NAV3: variants seen among roughly 807,000 people sequenced by gnomAD.
The protein encoded by NAV3 is pore membrane and/or filament interacting like protein 1.
In NAV3, 87 loss-of-function variants were observed where a neutral mutation model predicts 244.7. That is an observed-to-expected ratio of 0.36 (90% CI 0.30 to 0.42). The LOEUF (loss-of-function observed/expected upper bound fraction) is 0.42. Among genes scored for constraint, NAV3 ranks in the 20% least tolerant of loss-of-function variants. The pLI is 1.00. For synonymous variants in NAV3, 1,126 were observed against 1,042.2 expected (o/e 1.08, Z -1.55); for missense variants, 2,663 against 2,893.3 (o/e 0.92, Z 1.83).
chr12:77,644,266 A>C (rs1872532428), intron 2 of NAV3, among the ~76,000 whole-genome samples: 1 of 152,070 alleles, frequency 6.6e-6, no homozygotes, highest in Admixed American at 6.6e-5. Flanking sequence ...AGATGTTAGA[A>C]GATTTCTTTA....
chr12:78,190,141 A>G lies in NAV3; in HGVS notation c.6213A>G (p.Glu2071=). 2 of 1,613,112 alleles carry G rather than the reference A, an allele frequency of 1.2e-6. No homozygotes were observed. Among genetic ancestry groups the G allele is most frequent in the Non-Finnish European group, 1.7e-6 (2 of 1,179,516 alleles). ...CCTATTTGGCAAACAAACTTGCTGAATATGTAATAACCAAATCTGGAAGGA... is the reference window on the plus strand; with the variant it reads ...CCTATTTGGCAAACAAACTTGCTGAGTATGTAATAACCAAATCTGGAAGGA... ...GKTYLANKLA[E]YVITKSGRKK... is the part of the protein sequence containing the mutation. Residue 2071 remains glutamate (E), a synonymous_variant, in exon 34 of 40, where the codon GAA becomes GAG. Transcript: ENST00000397909.
chr12:78,167,765 A>C (rs1957839454), intron 23 of NAV3, among the ~76,000 whole-genome samples: 1 of 151,620 alleles, frequency 6.6e-6, no homozygotes, highest in South Asian at 2.1e-4. Context: ...TAAGAGGCTG[A>C]CAAAGATCTG....
intron 5 of NAV3, among the ~76,000 whole-genome samples, chr12:77,987,012 G>T (rs1290326435): frequency 6.6e-6 from 1 of 152,142 alleles, no homozygotes; most frequent in Non-Finnish European, 1.5e-5. Context: ...GTAAGACTAT[G>T]AGAATAGTTG....
chr12:77,843,373 A>G (rs1490980147), intron 1 of NAV3, among the ~76,000 whole-genome samples: 1 of 151,226 alleles, frequency 6.6e-6, no homozygotes, highest in Non-Finnish European at 1.5e-5. Flanking sequence ...ACCCCAGGTA[A>G]CTTTCCTTGT....
At chr12:77,765,910 G>A (rs1042132070) in intron 2 of NAV3, among the ~76,000 whole-genome samples, 1 of 152,020 alleles carries the variant, frequency 6.6e-6, no homozygotes, top group African/African-American at 2.4e-5. Context: ...GGAGGGAGTC[G>A]GTGGTGAAAT....
intron 3 of NAV3, among the ~76,000 whole-genome samples, chr12:77,951,633 G>A (rs561855583): frequency 6.6e-5 from 10 of 152,054 alleles, no homozygotes; most frequent in East Asian, 1.9e-4. Flanking sequence ...TGTTCATTGC[G>A]GCACTATTCA....
At chr12:77,667,361 G>T (rs953318451) in intron 2 of NAV3, among the ~76,000 whole-genome samples, 1 of 152,280 alleles carries the variant, frequency 6.6e-6, no homozygotes, top group East Asian at 1.9e-4. Context: ...CAAGTTCTCA[G>T]CCCTGGTCAC....
intron 22 of NAV3, among the ~76,000 whole-genome samples, chr12:78,154,459 T>C (rs1181239337): frequency 6.6e-6 from 1 of 150,406 alleles, no homozygotes; most frequent in Middle Eastern, 3.5e-3. Context: ...GTAGACGTTA[T>C]GTATAATGAT....
chr12:77,906,298 G>C lies in NAV3; in HGVS notation c.244-34021G>C, dbSNP rs113891741. 8.1e-3 allele frequency among the ~76,000 whole-genome samples: 1,236 copies of C among 152,078 alleles called. 15 individuals are homozygous for C. The highest frequency in any genetic ancestry group is 0.043 in the South Asian group (207 of 4,822). The stretch of plus-strand genomic sequence containing the variant: ...AAGAAAAATGAGAGAAAGCAAACAA[G>C]CTTTTGTTCCCCAATGCTTTCCAAT... On this transcript the variant is annotated intron_variant, in intron 1 of 39. Coordinates refer to ENST00000397909, the MANE Select transcript of NAV3 (RefSeq NM_001024383.2).
rs771693770 is a variant in NAV3, at chr12:78,119,651, G to C, written c.3455G>C (p.Arg1152Pro). 6.2e-7 allele frequency: 1 copy of C among 1,614,030 alleles called. No homozygotes were observed. Among genetic ancestry groups the C allele is most frequent in the Non-Finnish European group, 8.5e-7 (1 of 1,180,028 alleles). ...SKSSTSGIPG[R>P]GGHRSSTSSI... ...TCCAGCACCAGTGGCATTCCTGGCC[G>C]AGGAGGCCACAGATCCAGTACCAGC... The change falls in exon 15 of 40, where the codon CGA becomes CCA. Residue 1152 changes from arginine to proline, a missense_variant. Around this residue, in one of 6 missense-constraint regions of NAV3, gnomAD observed 1,521 missense variants for 1,497.0 expected, o/e 1.02. Transcript: ENST00000397909.
At chr12:77,602,319 C>G (rs1786777635) in intron 2 of NAV3, among the ~76,000 whole-genome samples, 1 of 151,930 alleles carries the variant, frequency 6.6e-6, no homozygotes, top group African/African-American at 2.4e-5. Context: ...GTCTGATGAC[C>G]ACACTAACAG....
chr12:78,189,883 T>C, intron 33 of NAV3, 101 bp from the exon 34 acceptor site: 2 of 843,740 alleles, frequency 2.4e-6, no homozygotes, highest in Non-Finnish European at 3.8e-6. Flanking sequence ...TCAAGGACTC[T>C]ATTCCTATGA....
At chr12:77,652,234 G>A (rs1375879060) in intron 2 of NAV3, among the ~76,000 whole-genome samples, 3 of 152,126 alleles carry the variant, frequency 2.0e-5, no homozygotes, top group Admixed American at 2.0e-4. Context: ...TTGTGGTTCT[G>A]AGAGGTTTAA....
At chr12:77,861,582 C>T (rs1044345021) in intron 1 of NAV3, among the ~76,000 whole-genome samples, 23 of 151,858 alleles carry the variant, frequency 1.5e-4, no homozygotes, top group African/African-American at 5.5e-4. Context: ...CTGCTGAATT[C>T]CCTGGACATT....
chr12:77,725,410 C>A (rs537238738), intron 2 of NAV3, among the ~76,000 whole-genome samples: 1 of 152,040 alleles, frequency 6.6e-6, no homozygotes, highest in East Asian at 1.9e-4. Context: ...TATAAAATTT[C>A]TCTGGATATT....
At chr12:78,171,187 G>T (rs746850560) in intron 24 of NAV3, among the ~76,000 whole-genome samples, 1 of 151,648 alleles carries the variant, frequency 6.6e-6, no homozygotes, top group Non-Finnish European at 1.5e-5. Flanking sequence ...CTTTCCATGT[G>T]GGGGAGTGAT....
chr12:77,635,218 A>C (rs1375376197), intron 2 of NAV3, among the ~76,000 whole-genome samples: 2 of 149,672 alleles, frequency 1.3e-5, no homozygotes, highest in Non-Finnish European at 2.9e-5. Context: ...ACAGAGCAAG[A>C]TTCTGTCTCA....
chr12:77,872,219 A>T (rs1014072362), intron 1 of NAV3, among the ~76,000 whole-genome samples: 5 of 152,126 alleles, frequency 3.3e-5, no homozygotes, highest in Non-Finnish European at 7.4e-5. Context: ...CACACATGGT[A>T]TTCTTGTATA....
In NAV3 at chr12:78,204,526, G is replaced by T. The variant is rs376492790; in HGVS notation, c.6835-409G>T. Among the ~76,000 whole-genome samples, 634 of 152,080 alleles carry T rather than the reference G, an allele frequency of 4.2e-3. 5 individuals are homozygous for T. The highest frequency in any genetic ancestry group is 7.3e-3 in the Non-Finnish European group (497 of 67,976). ...TTTTATTTTATTTCCATCTTTCCAA[G>T]GTACACTTTAGTAGAGAACTCTACT... is the stretch of plus-strand genomic sequence containing the variant. On this transcript the variant is annotated intron_variant, in intron 38 of 39. Transcript: ENST00000397909.
Sources: allele counts gnomAD v4.1 joint callset (sites outside exome capture counted in the v4.1 genomes callset), GRCh38; gene constraint gnomAD v4.1.1; regional missense constraint gnomAD v4.1.1; transcripts MANE v1.5; gene names NCBI Gene and HGNC (gene_info 2026-07-23, HGNC 2026-07-21).